The following ADAMTS6 variants were observed in gnomAD, a reference collection of about 807,000 sequenced individuals.
The protein encoded by ADAMTS6 is A disintegrin and metalloproteinase with thrombospondin motifs 6.
A neutral mutation model predicts 144.3 loss-of-function variants in ADAMTS6; 23 were observed. That is an observed-to-expected ratio of 0.16 (90% confidence interval 0.11 to 0.23). ADAMTS6 has a LOEUF of 0.23. Among genes scored for constraint, ADAMTS6 ranks in the 10% least tolerant of loss-of-function variants. The pLI, the probability that ADAMTS6 is intolerant of heterozygous loss-of-function variation, is 1.00. For missense variants in ADAMTS6, 999 were observed against 1,379.6 expected, an observed-to-expected ratio of 0.72 and a Z score of 4.37; for synonymous variants, 444 against 457.5, an observed-to-expected ratio of 0.97 and a Z score of 0.38.
At chr5:65,384,156 T>C (rs1352694225) in intron 7 of ADAMTS6, among the ~76,000 whole-genome samples, 1 of 152,234 alleles carries the variant, frequency 6.6e-6, no homozygotes, top group Non-Finnish European at 1.5e-5. Flanking sequence ...ATTCTATCCA[T>C]ACTAATCTCC....
At chr5:65,173,891 T>C (rs1753777052) in intron 22 of ADAMTS6, among the ~76,000 whole-genome samples, 1 of 151,816 alleles carries the variant, frequency 6.6e-6, no homozygotes, top group South Asian at 2.1e-4. Context: ...GGTGTGGTGG[T>C]GTGTGTCTGT....
chr5:65,444,527 T>G (rs1040578757), intron 7 of ADAMTS6, among the ~76,000 whole-genome samples: 1 of 152,122 alleles, frequency 6.6e-6, no homozygotes, highest in African/African-American at 2.4e-5. Context: ...TCAAAAAATA[T>G]GACCAAAGGT....
intron 7 of ADAMTS6, among the ~76,000 whole-genome samples, chr5:65,335,355 C>T (rs750698114): frequency 1.5e-4 from 23 of 152,116 alleles, no homozygotes; most frequent in Non-Finnish European, 2.1e-4. Context: ...GCTTGGAACA[C>T]CCTCGAATGT....
chr5:65,434,970 A>G lies in ADAMTS6; in HGVS notation c.1073+16505T>C, dbSNP rs147437322. Among the ~76,000 whole-genome samples, 862 of 152,350 alleles carry G rather than the reference A, an allele frequency of 5.7e-3. 6 individuals carry two copies. The highest frequency in any genetic ancestry group is 0.018 in the African/African-American group (749 of 41,582). On this transcript the variant is annotated intron_variant, in intron 7 of 24. Coordinates refer to ENST00000381055, the MANE Select transcript of ADAMTS6 (RefSeq NM_197941.4). ...TAAAATTGTTTATAATAATGGAAAA[A>G]TGATAAATAATCTAAATGCTCATAG...
intron 1 of ADAMTS6, among the ~76,000 whole-genome samples, chr5:65,481,048 TAATC>T (rs1210562441): frequency 6.6e-6 from 1 of 152,162 alleles, no homozygotes; most frequent in Admixed American, 6.5e-5. Context: ...ACAATAATCA[TAATC>T]AAGTCCACTT....
intron 6 of ADAMTS6, 143 bp from the exon 7 acceptor site, chr5:65,451,763 C>T (rs1207860404): frequency 8.4e-6 from 8 of 955,112 alleles, no homozygotes; most frequent in Non-Finnish European, 1.2e-5. Context: ...TCTGTAATAT[C>T]TGACCTAGAG....
At position 65,200,592 on chromosome 5, in the gene ADAMTS6, C is replaced by T. The variant is rs1018832170; in HGVS notation, c.2576-3441G>A. ...CAGTCAGTGTGTACCTAATCAAAAA[C>T]AAAATTCTAGTGGCTTAGTGTCCAG... On this transcript the variant is annotated intron_variant, in intron 20 of 24. Coordinates refer to ENST00000381055, the MANE Select transcript of ADAMTS6 (RefSeq NM_197941.4). Among the ~76,000 whole-genome samples the T allele has an allele frequency of 3.5e-3, 537 of 152,222 alleles. 14 individuals carry two copies. Among genetic ancestry groups the T allele is most frequent in the Admixed American group, 0.025 (375 of 15,292 alleles).
chr5:65,221,656 G>GA, intron 18 of ADAMTS6, among the ~76,000 whole-genome samples: 1 of 152,022 alleles, frequency 6.6e-6, no homozygotes, highest in East Asian at 1.9e-4. Context: ...TATAAGGCAA[G>GA]AAAAAAGAAA....
At chr5:65,404,844 G>A (rs1015622290) in intron 7 of ADAMTS6, among the ~76,000 whole-genome samples, 3 of 152,156 alleles carry the variant, frequency 2.0e-5, no homozygotes, top group African/African-American at 4.8e-5. Flanking sequence ...ATTCTAACTG[G>A]TGTGAGATGG....
At chr5:65,423,497 T>C (rs973563270) in intron 7 of ADAMTS6, among the ~76,000 whole-genome samples, 4 of 152,178 alleles carry the variant, frequency 2.6e-5, no homozygotes, top group Non-Finnish European at 5.9e-5. Flanking sequence ...TACTTAATAT[T>C]AAAAACAATT....
chr5:65,250,394 A>G (rs534204615), intron 14 of ADAMTS6, among the ~76,000 whole-genome samples: 4 of 152,196 alleles, frequency 2.6e-5, no homozygotes, highest in Non-Finnish European at 4.4e-5. Flanking sequence ...TTCCAAATAT[A>G]TAATTTTCCT....
chr5:65,297,657 T>C (rs1742973523), intron 10 of ADAMTS6, among the ~76,000 whole-genome samples: 1 of 152,216 alleles, frequency 6.6e-6, no homozygotes, highest in Admixed American at 6.5e-5. Flanking sequence ...TTAAGTTCAC[T>C]GCATTAATAA....
intron 7 of ADAMTS6, among the ~76,000 whole-genome samples, chr5:65,411,864 C>T (rs974211002): frequency 6.6e-6 from 1 of 152,082 alleles, no homozygotes; most frequent in African/African-American, 2.4e-5. Flanking sequence ...TTTACTATAT[C>T]CTTAAGTATA....
intron 7 of ADAMTS6, among the ~76,000 whole-genome samples, chr5:65,425,256 G>A (rs1001465893): frequency 6.6e-5 from 10 of 152,200 alleles, no homozygotes; most frequent in Non-Finnish European, 1.2e-4. Context: ...TTGAACTCCT[G>A]ACCTCAGGTG....
intron 3 of ADAMTS6, among the ~76,000 whole-genome samples, chr5:65,469,465 G>A (rs572493358): frequency 5.9e-5 from 9 of 152,254 alleles, no homozygotes; most frequent in African/African-American, 2.2e-4. Flanking sequence ...ATAATGAATA[G>A]TGTGCCATTT....
chr5:65,215,607 T>C, intron 18 of ADAMTS6, 120 bp from the exon 19 acceptor site: 1 of 822,326 alleles, frequency 1.2e-6, no homozygotes. Flanking sequence ...ATGTGACTCT[T>C]GACCATATTC....
chr5:65,323,962 G>T (rs1045896631), intron 9 of ADAMTS6, among the ~76,000 whole-genome samples: 2 of 152,102 alleles, frequency 1.3e-5, no homozygotes, highest in African/African-American at 4.8e-5. Flanking sequence ...TTTTGATGGG[G>T]TTGTTTGTTT....
chr5:65,258,175 T>C lies in ADAMTS6; in HGVS notation c.1830+2425A>G, dbSNP rs79715437. Reference sequence around the variant, plus strand: ...TTAGGAGTCCTAGAGTTGTAGGGAGTGGAGAGGGTTGCAATTTTAAGTTCA... The same window carrying C: ...TTAGGAGTCCTAGAGTTGTAGGGAGCGGAGAGGGTTGCAATTTTAAGTTCA... On this transcript the variant is annotated intron_variant, in intron 14 of 24. Coordinates refer to ENST00000381055, the MANE Select transcript of ADAMTS6 (RefSeq NM_197941.4). 5.7e-3 allele frequency among the ~76,000 whole-genome samples: 860 copies of C among 150,546 alleles called. 7 individuals are homozygous for C. The highest frequency in any genetic ancestry group is 0.02 in the African/African-American group (818 of 40,892).
rs539840627 is a variant in ADAMTS6, at chr5:65,356,870, C to T, written c.1074-22785G>A. The stretch of plus-strand genomic sequence containing the variant: ...GCATTGAAGGTGTTTAGCTTTCTAC[C>T]TCTACTTTCCTTCTATACCTCAATT... On this transcript the variant is annotated intron_variant, in intron 7 of 24. Transcript: ENST00000381055. Among the ~76,000 whole-genome samples, 14 of 151,872 alleles carry T rather than the reference C, an allele frequency of 9.2e-5. 1 individual carries two copies. Among genetic ancestry groups the T allele is most frequent in the African/African-American group, 3.4e-4 (14 of 41,516 alleles).
Sources: allele counts gnomAD v4.1 joint callset (sites outside exome capture counted in the v4.1 genomes callset), GRCh38; gene constraint gnomAD v4.1.1; transcripts MANE v1.5; gene names NCBI Gene and HGNC (gene_info 2026-07-23, HGNC 2026-07-21).